TAFA5: variants seen among roughly 807,000 people sequenced by gnomAD.
TAFA5 encodes the protein TAFA chemokine like family member 5.
A neutral mutation model predicts 15.3 loss-of-function variants in TAFA5; 6 were observed. The ratio of observed to expected loss-of-function variants is 0.39; its 90% CI spans 0.21 to 0.77. The LOEUF is 0.77. Ranked by LOEUF, TAFA5 falls within the 30% of genes least tolerant of loss-of-function variation. The pLI, the probability that TAFA5 is intolerant of heterozygous loss-of-function variation, is 0.41. For synonymous variants in TAFA5, 103 were observed against 80.7 expected (o/e 1.28, Z -1.48); for missense variants, 161 against 193.1 (o/e 0.83, Z 0.98).
At chr22:48,743,874 C>T (rs1452287716) in intron 3 of TAFA5, among the ~76,000 whole-genome samples, 3 of 152,242 alleles carry the variant, frequency 2.0e-5, no homozygotes, top group East Asian at 1.9e-4. Flanking sequence ...ATTCCTCAGC[C>T]GATGCCCCCA....
intron 2 of TAFA5, among the ~76,000 whole-genome samples, chr22:48,696,483 G>A (rs538606774): frequency 6.6e-6 from 1 of 152,180 alleles, no homozygotes; most frequent in Admixed American, 6.5e-5. Flanking sequence ...GGAGGTGAAG[G>A]TGAAGGTCTG....
At chr22:48,694,958 C>T (rs190814535) in intron 2 of TAFA5, among the ~76,000 whole-genome samples, 3 of 151,502 alleles carry the variant, frequency 2.0e-5, no homozygotes, top group Admixed American at 6.6e-5. Context: ...AAACGGGAGC[C>T]CTGAGCCCTC....
At chr22:48,701,642 AATTG>A (rs1262953512) in intron 2 of TAFA5, among the ~76,000 whole-genome samples, 3 of 152,192 alleles carry the variant, frequency 2.0e-5, no homozygotes, top group African/African-American at 7.2e-5. Context: ...ACTTTCGGCA[AATTG>A]ATTGGGAGCC....
At chr22:48,662,229 G>C (rs9617486) in intron 2 of TAFA5, among the ~76,000 whole-genome samples, 25,326 of 152,046 alleles carry the variant, frequency 0.17, 2,589 homozygotes, top group Non-Finnish European at 0.23. Context: ...GGAGCACAAG[G>C]CTTGGAGGTT....
Position 48,501,252 on chromosome 22 carries a change from C to T in TAFA5, c.112+11548C>T, listed in dbSNP as rs547463181. On this transcript the variant is annotated intron_variant, in intron 1 of 3. Coordinates refer to ENST00000402357, the MANE Select transcript of TAFA5 (RefSeq NM_001082967.3). ...GATTGATTGGAGTGAGGCCTTCTCT[C>T]CCGGGCACCGGGCACCTTGAGTCAG... 5.3e-5 allele frequency among the ~76,000 whole-genome samples: 8 copies of T among 152,344 alleles called. No homozygotes were observed. The South Asian group carries it at 1.7e-3, about 32-fold the overall frequency.
chr22:48,649,488 G>C (rs1033185171), intron 2 of TAFA5, among the ~76,000 whole-genome samples: 1 of 152,176 alleles, frequency 6.6e-6, no homozygotes, highest in Admixed American at 6.5e-5. Flanking sequence ...CTGGAGCCTT[G>C]TTTTTGTCCT....
At chr22:48,609,942 T>C (rs985895466) in intron 1 of TAFA5, among the ~76,000 whole-genome samples, 5 of 152,234 alleles carry the variant, frequency 3.3e-5, no homozygotes, top group African/African-American at 1.2e-4. Flanking sequence ...CCAGTCATAT[T>C]GGATTGAGGC....
intron 2 of TAFA5, among the ~76,000 whole-genome samples, chr22:48,649,032 C>G (rs556306847): frequency 6.6e-6 from 1 of 152,304 alleles, no homozygotes; most frequent in East Asian, 1.9e-4. Context: ...TGTGCAGGAA[C>G]AGGCCAGGCA....
intron 2 of TAFA5, among the ~76,000 whole-genome samples, chr22:48,688,346 G>T (rs1304482113): frequency 6.6e-6 from 1 of 152,228 alleles, no homozygotes; most frequent in African/African-American, 2.4e-5. Flanking sequence ...GTTGTAGAAA[G>T]AAAATTTTAT....
chr22:48,541,271 C>T (rs899853417), intron 1 of TAFA5, among the ~76,000 whole-genome samples: 7 of 152,096 alleles, frequency 4.6e-5, no homozygotes, highest in African/African-American at 1.7e-4. Flanking sequence ...CCTATACCCC[C>T]TGGGACCTTT....
chr22:48,637,204 C>T (rs1034124033), intron 1 of TAFA5, among the ~76,000 whole-genome samples: 2 of 152,164 alleles, frequency 1.3e-5, no homozygotes, highest in Non-Finnish European at 2.9e-5. Flanking sequence ...AGGGCCGTGG[C>T]TCCTGGTGCG....
At chr22:48,744,423 G>A (rs780189361) in intron 3 of TAFA5, among the ~76,000 whole-genome samples, 8 of 152,262 alleles carry the variant, frequency 5.3e-5, no homozygotes, top group Non-Finnish European at 8.8e-5. Flanking sequence ...GCGGTGTGGC[G>A]AGCAGGGAAG....
At chr22:48,524,293 T>G (rs542552926) in intron 1 of TAFA5, among the ~76,000 whole-genome samples, 2 of 152,268 alleles carry the variant, frequency 1.3e-5, no homozygotes, top group African/African-American at 4.8e-5. Flanking sequence ...GGGCTGCGCC[T>G]TTGGCGTTTG....
At chr22:48,642,444 C>T (rs1926717108) in intron 1 of TAFA5, among the ~76,000 whole-genome samples, 2 of 152,184 alleles carry the variant, frequency 1.3e-5, no homozygotes, top group Admixed American at 1.3e-4. Flanking sequence ...CTTCTGAACC[C>T]CCCTTTCTGA....
intron 1 of TAFA5, among the ~76,000 whole-genome samples, chr22:48,634,137 C>T (rs117842592): frequency 0.089 from 13,398 of 150,924 alleles, 659 homozygotes; most frequent in East Asian, 0.18. Context: ...CACTCACTCA[C>T]TCACTCATTT....
At chr22:48,505,258 C>T (rs1321518471) in intron 1 of TAFA5, among the ~76,000 whole-genome samples, 1 of 152,202 alleles carries the variant, frequency 6.6e-6, no homozygotes, top group East Asian at 1.9e-4. Flanking sequence ...GGTCACCCTG[C>T]GTGGCCCCAC....
chr22:48,527,835 G>A (rs1346522739), intron 1 of TAFA5, among the ~76,000 whole-genome samples: 2 of 152,198 alleles, frequency 1.3e-5, no homozygotes, highest in Non-Finnish European at 2.9e-5. Flanking sequence ...GAGATGCGCC[G>A]GGTGTTTCAC....
chr22:48,718,084 G>A (rs1601695414), intron 3 of TAFA5, among the ~76,000 whole-genome samples: 2 of 152,174 alleles, frequency 1.3e-5, no homozygotes. Context: ...GGGCTGCTGC[G>A]GACAGCAGGC....
At chr22:48,629,128 C>T (rs970801993) in intron 1 of TAFA5, among the ~76,000 whole-genome samples, 8 of 152,128 alleles carry the variant, frequency 5.3e-5, no homozygotes, top group African/African-American at 1.7e-4. Context: ...GGGGCCCCAG[C>T]GGCTCCCCTC....
Sources: gnomAD v4.1 joint callset for allele counts (sites outside exome capture counted in the v4.1 genomes callset) on GRCh38, gnomAD v4.1.1 for gene constraint, MANE v1.5 for transcripts, NCBI Gene and HGNC (gene_info 2026-07-23, HGNC 2026-07-21) for gene names.